PSD2: variants seen among roughly 807,000 people sequenced by gnomAD.
PSD2 encodes PH and SEC7 domain-containing protein 2.
Under a neutral mutation model 69.8 loss-of-function variants are expected in PSD2, and 38 were observed. The ratio of observed to expected loss-of-function variants is 0.54; its 90% CI spans 0.42 to 0.71. The LOEUF (loss-of-function observed/expected upper bound fraction) is 0.71. Among genes scored for constraint, PSD2 ranks in the 30% least tolerant of loss-of-function variants. The probability of loss-of-function intolerance (pLI) is 0.00; values close to 1 mark genes in which losing one functional copy is unlikely to be tolerated. For missense variants in PSD2, 943 were observed against 1,014.5 expected (o/e 0.93, Z 0.96); for synonymous variants, 412 against 423.0 (o/e 0.97, Z 0.32).
the PSD2 span, among the ~76,000 whole-genome samples, chr5:139,786,020 T>C: frequency 6.6e-6 from 1 of 151,988 alleles, no homozygotes; most frequent in African/African-American, 2.4e-5. Context: ...ACCCAGGAGT[T>C]TGAGGTTACA....
the PSD2 span, among the ~76,000 whole-genome samples, chr5:139,772,054 A>G: frequency 2.6e-5 from 4 of 152,198 alleles, no homozygotes; most frequent in South Asian, 8.3e-4. Context: ...CAATGAGAGG[A>G]GGAACGGAAA....
intron 1 of PSD2, among the ~76,000 whole-genome samples, chr5:139,804,236 G>T (rs1022284287): frequency 6.6e-6 from 1 of 152,154 alleles, no homozygotes; most frequent in Non-Finnish European, 1.5e-5. Context: ...TTGGGATTTT[G>T]GGGAAGAGTA....
chr5:139,837,675 C>T lies in PSD2; in HGVS notation c.1716C>T (p.Ala572=), dbSNP rs1313425255. The change falls in exon 12 of 15, where the codon GCC becomes GCT. Residue 572 remains alanine, a synonymous_variant. Coordinates refer to ENST00000274710, the MANE Select transcript of PSD2 (RefSeq NM_032289.4). This position sits in a 1 kb window ranked among gnomAD's most constrained non-coding sequence, Gnocchi z 5.0. ...TATCGGAGGGTGACCTGAAGAACGC[C>T]ATTCGCGTGCATCACGCTCTGGCCA... ...KALSEGDLKN[A]IRVHHALATR... 6.2e-7 allele frequency: 1 copy of T among 1,614,048 alleles called. No homozygotes were observed. Among genetic ancestry groups the T allele is most frequent in the Non-Finnish European group, 8.5e-7 (1 of 1,179,922 alleles).
chr5:139,768,600 G>A, the PSD2 span, among the ~76,000 whole-genome samples: 1 of 152,012 alleles, frequency 6.6e-6, no homozygotes, highest in African/African-American at 2.4e-5. Context: ...GCGCATGCCT[G>A]TAATCCCAGC....
At chr5:139,833,639 G>A (rs796709383) in intron 7 of PSD2, 63 bp from the exon 8 acceptor site, 2 of 1,159,520 alleles carry the variant, frequency 1.7e-6, no homozygotes, top group Non-Finnish European at 2.6e-6. Context: ...GGCAGGGCAG[G>A]GTGTGTGGGG....
chr5:139,813,578 G>C lies in PSD2; in HGVS notation c.641G>C (p.Gly214Ala), dbSNP rs1368626084. The stretch of plus-strand genomic sequence containing the variant: ...GAGGGGGACATGGGGGCAGCTGGTG[G>C]TGATGGGGAGCTGGGCAGCCCCCTG... Reference protein sequence around the residue: ...AFEGDMGAAGGDGELGSPLRR... With the variant: ...AFEGDMGAAGADGELGSPLRR... Residue 214 changes from glycine to alanine, a missense_variant, in exon 3 of 15, where the codon GGT becomes GCT. Coordinates refer to ENST00000274710, the MANE Select transcript of PSD2 (RefSeq NM_032289.4). 3 of 1,613,218 alleles carry C rather than the reference G, an allele frequency of 1.9e-6. No homozygotes were observed. In the Admixed American group the frequency reaches 5.0e-5, roughly 27 times the overall value.
chr5:139,756,384 C>G, the PSD2 span, among the ~76,000 whole-genome samples: 1 of 152,216 alleles, frequency 6.6e-6, no homozygotes, highest in African/African-American at 2.4e-5. Context: ...TGCGCTCCCC[C>G]GGGGTCGGGG....
intron 1 of PSD2, among the ~76,000 whole-genome samples, chr5:139,800,235 T>A (rs1386715436): frequency 6.6e-6 from 1 of 152,244 alleles, no homozygotes; most frequent in African/African-American, 2.4e-5. Context: ...TTAAATCCAA[T>A]GCCTGGCCTA....
At chr5:139,790,913 T>TG (rs71574465), upstream of PSD2, among the ~76,000 whole-genome samples, 4 of 150,298 alleles carry the variant, frequency 2.7e-5, no homozygotes, top group African/African-American at 7.4e-5. Context: ...GGTGGTTGGG[T>TG]GGGGGGGAGC....
chr5:139,745,372 C>T, the PSD2 span: 1 of 152,622 alleles, frequency 6.6e-6, no homozygotes, highest in Admixed American at 6.5e-5. Context: ...GCCACACACT[C>T]AGGCCCCCCT....
intron 7 of PSD2, among the ~76,000 whole-genome samples, chr5:139,833,448 C>T (rs1037112330): frequency 1.3e-5 from 2 of 152,226 alleles, no homozygotes; most frequent in South Asian, 2.1e-4. Flanking sequence ...GCTCTTACAA[C>T]TCTTCATCCA....
At chr5:139,750,696 C>T in the PSD2 span, among the ~76,000 whole-genome samples, 2 of 152,202 alleles carry the variant, frequency 1.3e-5, no homozygotes, top group Non-Finnish European at 1.5e-5. Context: ...CAGAACAAGG[C>T]CACTGATGGG....
At chr5:139,820,820 A>C (rs969947815) in intron 5 of PSD2, among the ~76,000 whole-genome samples, 3 of 152,090 alleles carry the variant, frequency 2.0e-5, no homozygotes, top group African/African-American at 7.2e-5. Context: ...GTTCTGTCCA[A>C]GGTGTAGCAG....
In PSD2 at chr5:139,833,796, T is replaced by C. The variant is rs776063562; in HGVS notation, c.1359+5T>C. On this transcript the variant is annotated splice_donor_5th_base_variant and intron_variant, in intron 8 of 14. Transcript: ENST00000274710. The stretch of plus-strand genomic sequence containing the variant: ...TTTGCCAAAGACCTGCTGAAGGTAC[T>C]GTCTGCTGAGTGTCCCCATCCCACT... 22 of 1,608,854 alleles carry C rather than the reference T, an allele frequency of 1.4e-5. No individual in the cohort carries two copies. The East Asian group carries it at 4.9e-4, about 36-fold the overall frequency.
chr5:139,763,727 C>T, the PSD2 span, among the ~76,000 whole-genome samples: 1 of 152,244 alleles, frequency 6.6e-6, no homozygotes, highest in African/African-American at 2.4e-5. Flanking sequence ...TTCCTAACCA[C>T]ATCTTCTGCC....
At chr5:139,811,285 TG>T (rs1759953475) in intron 2 of PSD2, among the ~76,000 whole-genome samples, 1 of 151,840 alleles carries the variant, frequency 6.6e-6, no homozygotes, top group Non-Finnish European at 1.5e-5. Flanking sequence ...GGGGCTGGAG[TG>T]GGAGTGCCTT....
chr5:139,756,409 C>G, the PSD2 span, among the ~76,000 whole-genome samples: 1 of 152,240 alleles, frequency 6.6e-6, no homozygotes. Context: ...CACCAGGGTT[C>G]CCGCTCAAGC....
At chr5:139,766,907 C>CCCTT in the PSD2 span, among the ~76,000 whole-genome samples, 1 of 48,438 alleles carries the variant, frequency 2.1e-5, no homozygotes, top group African/African-American at 6.1e-5. Context: ...CTCTTTCCCT[C>CCCTT]CCTTCCTTCC....
intron 13 of PSD2, 39 bp downstream of exon 13, chr5:139,838,811 G>C (rs774259981): frequency 4.4e-6 from 7 of 1,593,014 alleles, no homozygotes; most frequent in Non-Finnish European, 6.0e-6. Context: ...TCCCCAGGCT[G>C]CCATCCTCAG....
Sources: allele counts gnomAD v4.1 joint callset (sites outside exome capture counted in the v4.1 genomes callset), GRCh38; gene constraint gnomAD v4.1.1; non-coding constraint Gnocchi (gnomAD v3.1); transcripts MANE v1.5; gene names NCBI Gene and HGNC (gene_info 2026-07-23, HGNC 2026-07-21).